The following RNF157 variants were observed in gnomAD, a reference collection of about 807,000 sequenced individuals.
RNF157 encodes E3 ubiquitin ligase RNF157.
RNF157 carries 55 observed loss-of-function variants against 88.3 expected under a neutral mutation model. The ratio of observed to expected loss-of-function variants is 0.62; its 90% CI spans 0.50 to 0.78. The LOEUF (loss-of-function observed/expected upper bound fraction) is 0.78, where lower values mean the gene tolerates loss of function less well. Among genes scored for constraint, RNF157 ranks in the 30% least tolerant of loss-of-function variants. The pLI is 0.00. For synonymous variants in RNF157, 334 were observed against 341.2 expected (o/e 0.98, Z 0.23); for missense variants, 788 against 860.8 (o/e 0.92, Z 1.06).
chr17:76,165,638 A>C, intron 6 of RNF157, 93 bp from the exon 7 acceptor site: 9 of 1,356,396 alleles, frequency 6.6e-6, no homozygotes, highest in Non-Finnish European at 9.5e-6. Context: ...TGGCAAACCA[A>C]ATGTGCCAGT....
intron 1 of RNF157, among the ~76,000 whole-genome samples, chr17:76,228,769 A>G (rs2070138372): frequency 6.6e-6 from 1 of 151,680 alleles, no homozygotes; most frequent in African/African-American, 2.4e-5. Context: ...CTAAAATACA[A>G]ACTTAGCCGG....
chr17:76,237,858 A>C (rs906938838), intron 1 of RNF157, among the ~76,000 whole-genome samples: 1 of 152,122 alleles, frequency 6.6e-6, no homozygotes, highest in Admixed American at 6.5e-5. Flanking sequence ...AGGCAGGCGG[A>C]TCACCTGAGA....
chr17:76,205,703 G>A (rs73360649), intron 2 of RNF157, among the ~76,000 whole-genome samples: 4,640 of 151,244 alleles, frequency 0.031, 210 homozygotes, highest in African/African-American at 0.1. Context: ...CTAGCCTGGC[G>A]ACGGAGCAAG....
At position 76,202,128 on chromosome 17, in the gene RNF157, TCACACA is replaced by T. The variant is rs60491535; in HGVS notation, c.207+10230_207+10235del. Among the ~76,000 whole-genome samples the T allele has an allele frequency of 3.5e-3, 474 of 134,638 alleles. 1 individual carries two copies. The highest frequency in any genetic ancestry group is 8.9e-3 in the South Asian group (36 of 4,034). 88.3% of individuals were successfully genotyped at this position (134,638 alleles called of 152,430 possible). ...ATCTCAGTTTCTCTCTCTCTCTCTC[TCACACA>T]CACACACACACACACACACACACAC... On this transcript the variant is annotated intron_variant, in intron 2 of 18. Transcript: ENST00000269391.
intron 2 of RNF157, among the ~76,000 whole-genome samples, chr17:76,194,975 A>G (rs549352826): frequency 2.6e-5 from 4 of 152,288 alleles, no homozygotes; most frequent in African/African-American, 9.6e-5. Flanking sequence ...AGATAGCACC[A>G]CTGCACTCCA....
chr17:76,166,987 A>G, intron 5 of RNF157, 22 bp downstream of exon 5: 1 of 1,558,142 alleles, frequency 6.4e-7, no homozygotes, highest in Non-Finnish European at 8.7e-7. Context: ...GATGTGGGAA[A>G]CCCTCCCCAG....
At chr17:76,200,339 T>C (rs1406883818) in intron 2 of RNF157, among the ~76,000 whole-genome samples, 4 of 152,174 alleles carry the variant, frequency 2.6e-5, no homozygotes, top group African/African-American at 9.7e-5. Flanking sequence ...TGTCTGTCTA[T>C]TGATGGATGA....
intron 1 of RNF157, among the ~76,000 whole-genome samples, chr17:76,231,625 C>G (rs571036421): frequency 1.2e-4 from 18 of 152,162 alleles, no homozygotes; most frequent in African/African-American, 4.3e-4. Flanking sequence ...GACCCCATCT[C>G]CACTTATTTA....
rs2068551121 is a variant in RNF157 at position 76,144,173 on chromosome 17, T to C, written c.*1062A>G. ...TAATATACGACCACTCCTCACCCAG[T>C]GCTTGGCACACAGAGGTGGTCAACA... On this transcript the variant is annotated 3_prime_UTR_variant, in exon 19 of 19. Transcript: ENST00000269391. 6.6e-6 allele frequency: 1 copy of C among 152,234 alleles called. No homozygotes were observed. The highest frequency in any genetic ancestry group is 2.1e-4 in the South Asian group (1 of 4,830). 9.4% of individuals were successfully genotyped at this position (152,234 alleles called of 1,614,324 possible). A position where few individuals can be genotyped will look rare whatever the true frequency, so the allele number is the denominator to read the frequency against.
intron 3 of RNF157, among the ~76,000 whole-genome samples, chr17:76,169,100 T>G (rs565616165): frequency 6.6e-6 from 1 of 152,302 alleles, no homozygotes; most frequent in African/African-American, 2.4e-5. Context: ...ATGATTTCCT[T>G]CCTTTTACAT....
chr17:76,239,447 A>C (rs1305686696), intron 1 of RNF157, among the ~76,000 whole-genome samples: 2 of 152,194 alleles, frequency 1.3e-5, no homozygotes, highest in Admixed American at 1.3e-4. Context: ...CCCACTCCAA[A>C]ACCCAGGCTT....
intron 2 of RNF157, among the ~76,000 whole-genome samples, chr17:76,196,287 T>G (rs768129802): frequency 6.6e-6 from 1 of 152,200 alleles, no homozygotes; most frequent in African/African-American, 2.4e-5. Context: ...AAAGAGCAAA[T>G]TGAACACAGT....
intron 1 of RNF157, among the ~76,000 whole-genome samples, chr17:76,217,120 T>C (rs1248964319): frequency 6.6e-6 from 1 of 152,118 alleles, no homozygotes; most frequent in African/African-American, 2.4e-5. Flanking sequence ...ACGCATAAAA[T>C]GTGCAAGATT....
At chr17:76,169,643 G>A (rs1032106246) in intron 3 of RNF157, among the ~76,000 whole-genome samples, 3 of 146,474 alleles carry the variant, frequency 2.0e-5, no homozygotes, top group African/African-American at 7.6e-5. Context: ...GCAATGGCAC[G>A]ATCTTGGCTC....
Position 76,161,119 on chromosome 17 carries a change from G to C in RNF157, c.1065+416C>G, listed in dbSNP as rs80048320. ...CACTTACACTAGGAAACTGAAGTCAGTTACTTTATCTCAGGCACTGAGGCC... is the reference window on the plus strand; with the variant it reads ...CACTTACACTAGGAAACTGAAGTCACTTACTTTATCTCAGGCACTGAGGCC... On this transcript the variant is annotated intron_variant, in intron 11 of 18. Coordinates refer to ENST00000269391, the MANE Select transcript of RNF157 (RefSeq NM_052916.3). The surrounding 1 kb of genome is among the most constrained non-coding windows in gnomAD (Gnocchi z 4.6). 4.6e-5 allele frequency among the ~76,000 whole-genome samples: 7 copies of C among 152,324 alleles called. No homozygotes were observed. The East Asian group carries it at 1.3e-3, about 29-fold the overall frequency.
At position 76,167,736 on chromosome 17, in the gene RNF157, C is replaced by T; in HGVS notation, c.358G>A (p.Val120Ile). 1 of 1,614,202 alleles carries T rather than the reference C, an allele frequency of 6.2e-7. No individual in the cohort carries two copies. The highest frequency in any genetic ancestry group is 2.2e-5 in the East Asian group (1 of 44,884). ...EASKAKVHYN[V>I]EFTFDTDARV... ...GCATCTGTGTCAAAGGTGAACTCAA[C>T]ATTGTAGTGGACTTTAGCTTTACTG... Residue 120 changes from valine (V) to isoleucine (I), a missense_variant, in exon 4 of 19, where the codon GTT (valine) becomes ATT (isoleucine). Transcript: ENST00000269391.
chr17:76,168,065 AAT>A (rs1305698502), intron 3 of RNF157, among the ~76,000 whole-genome samples: 1 of 152,060 alleles, frequency 6.6e-6, no homozygotes, highest in African/African-American at 2.4e-5. Context: ...ACATAGTTTA[AAT>A]AGTTTCCTCA....
intron 4 of RNF157, among the ~76,000 whole-genome samples, 188 bp from the exon 5 acceptor site, chr17:76,167,314 A>G (rs1249459017): frequency 6.6e-6 from 1 of 152,230 alleles, no homozygotes; most frequent in Non-Finnish European, 1.5e-5. Context: ...CCACACATCC[A>G]AAGAAAGGTA....
intron 2 of RNF157, among the ~76,000 whole-genome samples, chr17:76,179,458 G>A (rs1382209232): frequency 1.3e-5 from 2 of 152,086 alleles, no homozygotes; most frequent in African/African-American, 2.4e-5. Context: ...TTGGGAGGTC[G>A]AGGTGGGCAG....
Sources: allele counts gnomAD v4.1 joint callset (sites outside exome capture counted in the v4.1 genomes callset), GRCh38; gene constraint gnomAD v4.1.1; non-coding constraint Gnocchi (gnomAD v3.1); transcripts MANE v1.5; gene names NCBI Gene and HGNC (gene_info 2026-07-23, HGNC 2026-07-21).